The following TACC2 variants were observed in gnomAD, a reference collection of about 807,000 sequenced individuals.
TACC2 encodes transforming acidic coiled-coil containing protein 2.
A neutral mutation model predicts 227.3 loss-of-function variants in TACC2; 137 were observed. The ratio of observed to expected loss-of-function variants is 0.60; its 90% CI spans 0.52 to 0.69. TACC2 has a LOEUF of 0.69. Ranked by LOEUF, TACC2 falls within the 30% of genes least tolerant of loss-of-function variation. The probability of loss-of-function intolerance (pLI) is 0.00; values close to 1 mark genes in which losing one functional copy is unlikely to be tolerated. For missense variants in TACC2, 3,470 were observed against 3,694.4 expected (o/e 0.94, Z 1.57); for synonymous variants, 1,523 against 1,487.5 (o/e 1.02, Z -0.55).
intron 3 of TACC2, among the ~76,000 whole-genome samples, chr10:122,061,106 G>A (rs897293228): frequency 6.7e-6 from 1 of 150,338 alleles, no homozygotes; most frequent in Non-Finnish European, 1.5e-5. Flanking sequence ...TCAGGAAATC[G>A]AGACCATCCT....
At chr10:122,069,165 C>G (rs1047406205) in intron 3 of TACC2, among the ~76,000 whole-genome samples, 1 of 146,190 alleles carries the variant, frequency 6.8e-6, no homozygotes, top group African/African-American at 2.5e-5. Flanking sequence ...ACCTGGAACC[C>G]CCTTCTCTGT....
intron 5 of TACC2, among the ~76,000 whole-genome samples, chr10:122,098,742 A>AGATT (rs1285533469): frequency 4.6e-5 from 7 of 152,230 alleles, no homozygotes. Flanking sequence ...TTCTTAAGGT[A>AGATT]GATTAATGGT....
chr10:122,063,120 T>C (rs1413590241), intron 3 of TACC2, among the ~76,000 whole-genome samples: 3 of 152,222 alleles, frequency 2.0e-5, no homozygotes, highest in Admixed American at 6.5e-5. Flanking sequence ...TGAACCTTGG[T>C]CAATCCTTAA....
At chr10:122,093,106 T>C (rs957488708) in intron 5 of TACC2, among the ~76,000 whole-genome samples, 1 of 152,170 alleles carries the variant, frequency 6.6e-6, no homozygotes, top group Admixed American at 6.5e-5. Flanking sequence ...TCTTTTTTTT[T>C]TTTTTCCATT....
intron 18 of TACC2, chr10:122,241,609 G>A (rs578223723): frequency 2.5e-5 from 8 of 315,756 alleles, no homozygotes; most frequent in African/African-American, 1.2e-4. Context: ...TTTCATTTTT[G>A]TATAGGCAGG....
intron 1 of TACC2, among the ~76,000 whole-genome samples, chr10:122,017,140 GC>G (rs1956753884): frequency 6.6e-6 from 1 of 152,166 alleles, no homozygotes; most frequent in African/African-American, 2.4e-5. Flanking sequence ...GACCAGAGCA[GC>G]CTCTCCTCTC....
Position 122,086,035 on chromosome 10 carries a change from G to C in TACC2, c.3535G>C (p.Glu1179Gln), listed in dbSNP as rs755107116. 5.0e-6 allele frequency: 8 copies of C among 1,613,898 alleles called. No individual in the cohort carries two copies. Among genetic ancestry groups the C allele is most frequent in the Non-Finnish European group, 6.8e-6 (8 of 1,180,024 alleles). ...GGAAGCTTCTACCTCTGCCCTACGT[G>C]AGTCCTGCCAAGCTGAGCACCCCAT... ...GEEASTSALR[E>Q]SCQAEHPMAS... The change falls in exon 4 of 23, where the codon GAG becomes CAG. Residue 1179 changes from glutamate (E) to glutamine (Q), a missense_variant. This residue lies in a region of TACC2 where 1,924 missense variants were observed against 1,978.3 expected (regional missense o/e 0.97). Transcript: ENST00000369005.
In TACC2 at chr10:122,143,702, A is replaced by T; in HGVS notation, c.5830A>T (p.Ser1944Cys). 6.2e-7 allele frequency: 1 copy of T among 1,613,992 alleles called. No individual in the cohort carries two copies. Among genetic ancestry groups the T allele is most frequent in the Non-Finnish European group, 8.5e-7 (1 of 1,179,948 alleles). ...CTGCCCAGATCCGGCCAAGGACCTC[A>T]GCAGGTATTGCGCAAGTCCCCCTCC... ...PSCPDPAKDL[S>C]RSSDSEEAFE... Residue 1944 changes from serine to cysteine, a missense_variant, in exon 7 of 23, where the codon AGC becomes TGC. By Grantham distance (112) the Ser-to-Cys change is moderately radical (BLOSUM62 -1). Transcript: ENST00000369005.
At chr10:122,110,315 T>C (rs554563195) in intron 5 of TACC2, among the ~76,000 whole-genome samples, 1 of 152,246 alleles carries the variant, frequency 6.6e-6, no homozygotes, top group Admixed American at 6.5e-5. Flanking sequence ...CATTACTGCA[T>C]TGTTACCCTG....
At chr10:122,224,948 G>T (rs1277153687) in intron 12 of TACC2, among the ~76,000 whole-genome samples, 161 bp downstream of exon 12, 1 of 151,996 alleles carries the variant, frequency 6.6e-6, no homozygotes, top group East Asian at 1.9e-4. Flanking sequence ...GGGCTGGGGG[G>T]TTGAGGTTTG....
chr10:122,108,358 A>G (rs1592099018), intron 5 of TACC2, among the ~76,000 whole-genome samples: 1 of 150,046 alleles, frequency 6.7e-6, no homozygotes, highest in Admixed American at 6.6e-5. Flanking sequence ...TTTATGGCTG[A>G]GTAGTATTCC....
chr10:122,012,296 T>C (rs1956028926), intron 1 of TACC2, among the ~76,000 whole-genome samples: 1 of 151,394 alleles, frequency 6.6e-6, no homozygotes, highest in African/African-American at 2.4e-5. Flanking sequence ...GGCACATGCC[T>C]GTAATCCCAG....
intron 11 of TACC2, among the ~76,000 whole-genome samples, chr10:122,219,795 T>C (rs568285983): frequency 2.0e-4 from 31 of 152,070 alleles, no homozygotes; most frequent in Non-Finnish European, 4.3e-4. Context: ...CCCAGCACTT[T>C]GGGAGGCTGA....
chr10:122,177,281 A>G (rs964681503), intron 7 of TACC2, among the ~76,000 whole-genome samples: 4 of 152,190 alleles, frequency 2.6e-5, no homozygotes, highest in Non-Finnish European at 4.4e-5. Flanking sequence ...ATTTCAGATA[A>G]AGCATTCTCA....
In TACC2 at chr10:122,050,461, A is replaced by G; in HGVS notation, c.57A>G (p.Pro19=). 6.2e-7 allele frequency: 1 copy of G among 1,614,004 alleles called. No individual in the cohort carries two copies. Among genetic ancestry groups the G allele is most frequent in the East Asian group, 2.2e-5 (1 of 44,868 alleles). Reference sequence around the variant, plus strand: ...AGAGGACTTTATCAGCTCAGACTCCAAGGTCCGCGCAGCCACCCGGGAACA... The same window carrying G: ...AGAGGACTTTATCAGCTCAGACTCCGAGGTCCGCGCAGCCACCCGGGAACA... ...DNQRTLSAQT[P]RSAQPPGNSQ... is the part of the protein sequence containing the mutation. The change falls in exon 3 of 23, where the codon CCA becomes CCG. Residue 19 remains proline, a synonymous_variant. Coordinates refer to ENST00000369005, the MANE Select transcript of TACC2 (RefSeq NM_206862.4). The surrounding 1 kb of genome is among the most constrained non-coding windows in gnomAD (Gnocchi z 4.6).
chr10:122,236,228 C>T (rs1428721866), intron 16 of TACC2, among the ~76,000 whole-genome samples: 1 of 152,140 alleles, frequency 6.6e-6, no homozygotes, highest in East Asian at 1.9e-4. Flanking sequence ...GCTCTTTAAT[C>T]TTACCTGCTG....
intron 5 of TACC2, among the ~76,000 whole-genome samples, chr10:122,107,770 C>G (rs764511800): frequency 6.6e-6 from 1 of 150,386 alleles, no homozygotes; most frequent in African/African-American, 2.4e-5. Context: ...GATTTTGGTG[C>G]CCCTGCCACC....
chr10:122,171,435 G>A (rs2093467771), intron 7 of TACC2, among the ~76,000 whole-genome samples: 1 of 152,164 alleles, frequency 6.6e-6, no homozygotes. Context: ...TGTCCTTATG[G>A]GGCCGAGAAC....
intron 7 of TACC2, chr10:122,163,856 C>T (rs1298906890): frequency 2.6e-6 from 4 of 1,514,908 alleles, no homozygotes; most frequent in African/African-American, 1.4e-5. Context: ...CCCCGGCTCC[C>T]GGCTGCAGGA....
Sources: allele counts gnomAD v4.1 joint callset (sites outside exome capture counted in the v4.1 genomes callset), GRCh38; gene constraint gnomAD v4.1.1; regional missense constraint gnomAD v4.1.1; non-coding constraint Gnocchi (gnomAD v3.1); transcripts MANE v1.5; gene names NCBI Gene and HGNC (gene_info 2026-07-23, HGNC 2026-07-21).